NTRK3: variants seen among roughly 807,000 people sequenced by gnomAD.
NTRK3 encodes NT-3 growth factor receptor.
NTRK3 carries 24 observed loss-of-function variants against 91.7 expected under a neutral mutation model. That is an observed-to-expected ratio of 0.26 (90% confidence interval 0.19 to 0.37). The LOEUF is 0.37. NTRK3 is among the 10% of genes least tolerant of loss of function. The pLI is 1.00. For synonymous variants in NTRK3, 483 were observed against 404.0 expected (o/e 1.20, Z -2.34); for missense variants, 880 against 1,068.9 (o/e 0.82, Z 2.46).
chr15:87,992,529 G>A (rs991439120), intron 14 of NTRK3, among the ~76,000 whole-genome samples: 3 of 152,114 alleles, frequency 2.0e-5, no homozygotes, highest in African/African-American at 7.2e-5. Context: ...ATGGTTCATG[G>A]ATTTATTTTT....
At chr15:87,909,705 G>T (rs1004228395) in intron 17 of NTRK3, among the ~76,000 whole-genome samples, 37 of 152,196 alleles carry the variant, frequency 2.4e-4, no homozygotes, top group African/African-American at 8.0e-4. Context: ...TTTGGAGAGA[G>T]AGCCTTAAAT....
intron 3 of NTRK3, among the ~76,000 whole-genome samples, chr15:88,226,872 A>T (rs1372000760): frequency 6.6e-6 from 1 of 152,248 alleles, no homozygotes; most frequent in Non-Finnish European, 1.5e-5. Flanking sequence ...TGATAGCCCC[A>T]TTTTACAGAG....
chr15:88,057,937 A>G (rs1043681590), intron 13 of NTRK3, among the ~76,000 whole-genome samples: 1 of 152,224 alleles, frequency 6.6e-6, no homozygotes, highest in Non-Finnish European at 1.5e-5. Context: ...TATGGGGCTG[A>G]CACACCACTG....
intron 14 of NTRK3, among the ~76,000 whole-genome samples, chr15:88,028,677 A>T (rs1447622729): frequency 3.3e-5 from 5 of 152,140 alleles, no homozygotes; most frequent in Admixed American, 6.5e-5. Context: ...GCTTCCTCTG[A>T]GACAGGGACA....
Position 88,075,890 on chromosome 15 carries a change from C to T in NTRK3, c.1397-42845G>A, listed in dbSNP as rs377483286. Among the ~76,000 whole-genome samples, 18 of 152,182 alleles carry T rather than the reference C, an allele frequency of 1.2e-4. 1 individual carries two copies. In the South Asian group the frequency reaches 3.7e-3, roughly 32 times the overall value. ...CCTTGGGCTTCAGTTTCCTCACCTG[C>T]GAAATAAGGATAGTCATACGTACTT... On this transcript the variant is annotated intron_variant, in intron 13 of 18. Transcript: ENST00000394480.
intron 13 of NTRK3, among the ~76,000 whole-genome samples, chr15:88,065,117 C>A: frequency 6.6e-6 from 1 of 152,090 alleles, no homozygotes; most frequent in Non-Finnish European, 1.5e-5. Context: ...CCAATTCAAG[C>A]TCCAGGATTG....
In NTRK3 at chr15:87,886,697, T is replaced by TAC. The variant is rs2065564739; in HGVS notation, c.2134-6270_2134-6269insGT. ...TTTGCTATATATATATATATATATA[T>TAC]ATACATATATACACACACACACATA... On this transcript the variant is annotated intron_variant, in intron 17 of 18. Coordinates refer to ENST00000394480, the Ensembl canonical transcript of NTRK3. Among the ~76,000 whole-genome samples, 8 of 135,880 alleles carry TAC rather than the reference T, an allele frequency of 5.9e-5. No individual in the cohort carries two copies. The Middle Eastern group carries it at 0.011, about 192-fold the overall frequency. The allele number at this position is 135,880 out of a possible 152,430, so 89.1% of individuals were successfully genotyped here.
At chr15:88,119,529 C>T (rs2052474523) in intron 13 of NTRK3, among the ~76,000 whole-genome samples, 1 of 152,200 alleles carries the variant, frequency 6.6e-6, no homozygotes, top group East Asian at 1.9e-4. Flanking sequence ...ATACGAGGAC[C>T]CTGGGATCAC....
chr15:88,056,832 G>C (rs12595249), intron 13 of NTRK3, among the ~76,000 whole-genome samples: 52,853 of 152,066 alleles, frequency 0.35, 9,332 homozygotes, highest in African/African-American at 0.37. Context: ...CTGATGATCA[G>C]CCTCACTTAA....
chr15:87,990,643 C>A (rs983083366), intron 14 of NTRK3, among the ~76,000 whole-genome samples: 2 of 152,132 alleles, frequency 1.3e-5, no homozygotes, highest in African/African-American at 4.8e-5. Flanking sequence ...CCAAAACTAA[C>A]CCTTTAACTG....
chr15:88,223,602 T>C (rs1437933569), intron 3 of NTRK3, among the ~76,000 whole-genome samples: 22 of 152,198 alleles, frequency 1.4e-4, no homozygotes, highest in Admixed American at 9.2e-4. Flanking sequence ...CCCTGTCCAA[T>C]GCAACGCCAC....
At chr15:88,208,784 A>G (rs1031276432) in intron 3 of NTRK3, among the ~76,000 whole-genome samples, 1 of 152,226 alleles carries the variant, frequency 6.6e-6, no homozygotes, top group Admixed American at 6.5e-5. Flanking sequence ...AAAATCACCT[A>G]GGGAACCTTT....
chr15:88,139,995 T>C (rs534599737), intron 6 of NTRK3, among the ~76,000 whole-genome samples: 33 of 151,752 alleles, frequency 2.2e-4, no homozygotes, highest in African/African-American at 7.7e-4. Context: ...AGGTGAGGTG[T>C]GAAAACAGAA....
chr15:88,161,426 G>A (rs1285107170), intron 5 of NTRK3, among the ~76,000 whole-genome samples: 1 of 152,134 alleles, frequency 6.6e-6, no homozygotes, highest in African/African-American at 2.4e-5. Context: ...TGTGCTCCTA[G>A]CGATCACTGC....
rs959313174 is a variant in NTRK3 at position 88,233,235 on chromosome 15, C to T, written c.248+22671G>A. Reference sequence around the variant, plus strand: ...GAGCACATTGCCAATAAATAACCCCCCCGCCCCCAGTGTAATCTCTCAGTA... The same window carrying T: ...GAGCACATTGCCAATAAATAACCCCTCCGCCCCCAGTGTAATCTCTCAGTA... On this transcript the variant is annotated intron_variant, in intron 3 of 18. Coordinates refer to ENST00000394480, the Ensembl canonical transcript of NTRK3. The surrounding 1 kb of genome is among the most constrained non-coding windows in gnomAD (Gnocchi z 4.2). Among the ~76,000 whole-genome samples, 1 of 152,114 alleles carries T rather than the reference C, an allele frequency of 6.6e-6. No individual in the cohort carries two copies. The highest frequency in any genetic ancestry group is 2.1e-4 in the South Asian group (1 of 4,816).
At chr15:88,019,982 T>C (rs536922999) in intron 14 of NTRK3, among the ~76,000 whole-genome samples, 50 of 152,258 alleles carry the variant, frequency 3.3e-4, no homozygotes, top group African/African-American at 1.1e-3. Flanking sequence ...ATGTGTAAGT[T>C]TGCTAAGAAA....
chr15:87,945,508 C>A (rs2070371560), intron 14 of NTRK3, among the ~76,000 whole-genome samples: 1 of 152,200 alleles, frequency 6.6e-6, no homozygotes, highest in African/African-American at 2.4e-5. Flanking sequence ...TAACTGGTCA[C>A]CTCTGGACAG....
chr15:88,080,389 A>G (rs190329001), intron 13 of NTRK3, among the ~76,000 whole-genome samples: 126 of 152,288 alleles, frequency 8.3e-4, no homozygotes, highest in African/African-American at 2.8e-3. Context: ...ATTTTTGCCA[A>G]TTTAATGGGG....
chr15:87,938,776 G>A (rs1022307475), intron 15 of NTRK3, among the ~76,000 whole-genome samples: 8 of 152,186 alleles, frequency 5.3e-5, no homozygotes, highest in African/African-American at 1.7e-4. Flanking sequence ...CCAGGGCAGT[G>A]CAGATCCTAA....
Sources: allele counts gnomAD v4.1 joint callset (sites outside exome capture counted in the v4.1 genomes callset), GRCh38; gene constraint gnomAD v4.1.1; non-coding constraint Gnocchi (gnomAD v3.1); transcripts MANE v1.5; gene names NCBI Gene and HGNC (gene_info 2026-07-23, HGNC 2026-07-21).